The following SUSD1 variants were observed in gnomAD, a reference collection of about 807,000 sequenced individuals.
SUSD1 encodes the protein sushi domain-containing protein 1.
A neutral mutation model predicts 86.9 loss-of-function variants in SUSD1; 65 were observed. The ratio of observed to expected loss-of-function variants is 0.75; its 90% CI spans 0.61 to 0.92. SUSD1 has a LOEUF of 0.92. Ranked by LOEUF, SUSD1 falls within the 40% of genes least tolerant of loss-of-function variation. SUSD1 has a pLI of 0.00. For synonymous variants in SUSD1, 346 were observed against 350.0 expected (o/e 0.99, Z 0.13); for missense variants, 850 against 929.7 (o/e 0.91, Z 1.11).
Position 112,124,346 on chromosome 9 carries a change from C to G in SUSD1, c.797G>C (p.Cys266Ser), listed in dbSNP as rs1026578351. ...SRLGGVARYV[C>S]QEGFESPGGK... is the part of the protein sequence containing the mutation. ...TCCAGGGCTCTCAAAGCCCTCTTGACAGACATAGCGAGCCACACCGCCCAG... is the reference window on the plus strand; with the variant it reads ...TCCAGGGCTCTCAAAGCCCTCTTGAGAGACATAGCGAGCCACACCGCCCAG... The change falls in exon 6 of 17, where the codon TGT (cysteine) becomes TCT (serine). Residue 266 changes from cysteine to serine, a missense_variant. Transcript: ENST00000374270. 6.2e-6 allele frequency: 10 copies of G among 1,614,064 alleles called. No individual in the cohort carries two copies. The highest frequency in any genetic ancestry group is 7.6e-6 in the Non-Finnish European group (9 of 1,180,020).
intron 5 of SUSD1, among the ~76,000 whole-genome samples, chr9:112,132,875 C>T (rs1394699504): frequency 6.6e-6 from 1 of 152,158 alleles, no homozygotes; most frequent in South Asian, 2.1e-4. Flanking sequence ...TGAGGTTGGC[C>T]CCTCATTCCA....
intron 5 of SUSD1, among the ~76,000 whole-genome samples, chr9:112,130,526 A>G (rs570077894): frequency 1.3e-5 from 2 of 150,280 alleles, no homozygotes; most frequent in Non-Finnish European, 3.0e-5. Flanking sequence ...GAAAAGAAAG[A>G]AAAGAAAGGA....
At chr9:112,057,521 C>G (rs949509977) in intron 14 of SUSD1, among the ~76,000 whole-genome samples, 16 of 152,306 alleles carry the variant, frequency 1.1e-4, no homozygotes, top group Admixed American at 3.3e-4. Context: ...CAATATATTT[C>G]TGGGCTTTAA....
intron 14 of SUSD1, among the ~76,000 whole-genome samples, chr9:112,056,277 A>G (rs1828444560): frequency 6.6e-6 from 1 of 152,132 alleles, no homozygotes; most frequent in South Asian, 2.1e-4. Flanking sequence ...AAAAAAAAAA[A>G]AGACAGAAAG....
chr9:112,141,540 AGTGGTGGGT>A (rs1453159219), intron 5 of SUSD1, among the ~76,000 whole-genome samples: 2 of 151,716 alleles, frequency 1.3e-5, no homozygotes, highest in African/African-American at 4.8e-5. Flanking sequence ...AGCCGGGTGT[AGTGGTGGGT>A]GCCTGTAATC....
At chr9:112,125,394 G>A (rs905954980) in intron 5 of SUSD1, among the ~76,000 whole-genome samples, 2 of 151,992 alleles carry the variant, frequency 1.3e-5, no homozygotes, top group African/African-American at 4.8e-5. Context: ...TGAGTTGAAG[G>A]GAAGAAGTAA....
In SUSD1 at chr9:112,078,701, C is replaced by A. The variant is rs1210458778; in HGVS notation, c.1590G>T (p.Trp530Cys). ...TTTCCTGGGCAAATTCCTTCTGATA[C>A]CATCTCTGGCCCCAAATGTGGAACT... ...MYLFHIWGQR[W>C]YQKEFAQEMT... Residue 530 changes from tryptophan (W) to cysteine (C), a missense_variant, in exon 12 of 17, where the codon TGG becomes TGT. Physicochemically the swap from Trp to Cys is radical, Grantham distance 215 (BLOSUM62 -2). Transcript: ENST00000374270. 6.2e-7 allele frequency: 1 copy of A among 1,613,168 alleles called. No homozygotes were observed. Among genetic ancestry groups the A allele is most frequent in the Non-Finnish European group, 8.5e-7 (1 of 1,179,278 alleles).
At chr9:112,059,439 G>A (rs978345318) in intron 13 of SUSD1, among the ~76,000 whole-genome samples, 9 of 152,180 alleles carry the variant, frequency 5.9e-5, no homozygotes, top group Admixed American at 5.9e-4. Flanking sequence ...AATGTACTAA[G>A]TCCGGAAAAA....
At chr9:112,051,586 C>G (rs983134438) in intron 15 of SUSD1, among the ~76,000 whole-genome samples, 11 of 151,754 alleles carry the variant, frequency 7.2e-5, no homozygotes, top group Admixed American at 2.0e-4. Flanking sequence ...CATGTGCCAC[C>G]ATGCCTGGCT....
intron 15 of SUSD1, among the ~76,000 whole-genome samples, chr9:112,047,407 C>T (rs927643057): frequency 6.6e-6 from 1 of 152,098 alleles, no homozygotes; most frequent in Non-Finnish European, 1.5e-5. Context: ...CGTATTAGGG[C>T]CTTACGAGGC....
rs781009056 is a variant in SUSD1 at position 112,063,024 on chromosome 9, A to G, written c.1763T>C (p.Leu588Pro). The change falls in exon 13 of 17, where the codon CTC (leucine) becomes CCC (proline). Residue 588 changes from leucine (L) to proline (P), a missense_variant. Leu to Pro is a moderately conservative substitution (Grantham distance 98). Transcript: ENST00000374270. ...CACCGTAAAAAATTCTACTTCCGGG[A>G]GGGGAGGCTCTGAAAACATGTTGAA... ...SLTTQITEPP[L>P]PEVEFFTVHR... 6.2e-7 allele frequency: 1 copy of G among 1,610,822 alleles called. No homozygotes were observed. The highest frequency in any genetic ancestry group is 1.3e-5 in the African/African-American group (1 of 74,944).
chr9:112,122,374 G>A (rs1436966038), intron 6 of SUSD1, among the ~76,000 whole-genome samples: 1 of 152,154 alleles, frequency 6.6e-6, no homozygotes, highest in Non-Finnish European at 1.5e-5. Context: ...CACCCAGGCT[G>A]GTCTTGAACT....
At chr9:112,084,860 A>G (rs1829910722) in intron 10 of SUSD1, among the ~76,000 whole-genome samples, 1 of 152,228 alleles carries the variant, frequency 6.6e-6, no homozygotes, top group Non-Finnish European at 1.5e-5. Context: ...CAGAACTGCA[A>G]GAATGCCTCA....
intron 1 of SUSD1, among the ~76,000 whole-genome samples, chr9:112,164,923 C>T (rs545441223): frequency 3.3e-5 from 5 of 152,212 alleles, no homozygotes; most frequent in Non-Finnish European, 4.4e-5. Flanking sequence ...CCAGCCTGGG[C>T]GACAGAGCGA....
rs11354546 is a variant in SUSD1, at chr9:112,161,820, CAAAAAAA to C, written c.104-4214_104-4208del. ...CTGCGTGACAGAGCAAGACTCCATC[CAAAAAAA>C]AAAAAAAAAAAATGCAATCTTATTA... On this transcript the variant is annotated intron_variant, in intron 1 of 16. Transcript: ENST00000374270. Among the ~76,000 whole-genome samples the C allele has an allele frequency of 1.2e-4, 14 of 119,564 alleles. No homozygotes were observed. The East Asian group carries it at 2.9e-3, about 25-fold the overall frequency. The allele number at this position is 119,564 out of a possible 152,430, so 78.4% of individuals were successfully genotyped here.
intron 8 of SUSD1, among the ~76,000 whole-genome samples, chr9:112,103,725 G>A (rs528632084): frequency 1.6e-4 from 24 of 152,294 alleles, no homozygotes; most frequent in African/African-American, 3.6e-4. Context: ...TACACAAGGC[G>A]GAAACATGAA....
At chr9:112,069,938 C>T (rs1444681523) in intron 12 of SUSD1, among the ~76,000 whole-genome samples, 1 of 152,100 alleles carries the variant, frequency 6.6e-6, no homozygotes, top group Admixed American at 6.6e-5. Context: ...GACTTTGAGA[C>T]CATTTTCTGC....
intron 1 of SUSD1, among the ~76,000 whole-genome samples, chr9:112,170,253 T>G (rs188832608): frequency 3.2e-4 from 48 of 152,286 alleles, no homozygotes; most frequent in Non-Finnish European, 5.9e-4. Context: ...TTTCCTCCTG[T>G]GGCTCACCCT....
At chr9:112,110,912 T>C (rs1350906132) in intron 8 of SUSD1, among the ~76,000 whole-genome samples, 1 of 152,148 alleles carries the variant, frequency 6.6e-6, no homozygotes, top group African/African-American at 2.4e-5. Flanking sequence ...ACTCTCAACT[T>C]GATCTCTTTA....
Sources: gnomAD v4.1 joint callset for allele counts (sites outside exome capture counted in the v4.1 genomes callset) on GRCh38, gnomAD v4.1.1 for gene constraint, MANE v1.5 for transcripts, NCBI Gene and HGNC (gene_info 2026-07-23, HGNC 2026-07-21) for gene names.